CADPS: variants seen among roughly 807,000 people sequenced by gnomAD.
CADPS encodes calcium-dependent secretion activator 1.
CADPS carries 57 observed loss-of-function variants against 167.3 expected under a neutral mutation model. That is an observed-to-expected ratio of 0.34 (90% CI 0.28 to 0.42). The LOEUF is 0.42. CADPS is among the 20% of genes least tolerant of loss of function. The probability of loss-of-function intolerance (pLI) is 1.00; values close to 1 mark genes in which losing one functional copy is unlikely to be tolerated. For missense variants in CADPS, 1,414 were observed against 1,738.1 expected (o/e 0.81, Z 3.32); for synonymous variants, 676 against 635.3 (o/e 1.06, Z -0.96).
chr3:62,589,049 C>T (rs1330067071), intron 7 of CADPS, among the ~76,000 whole-genome samples: 1 of 149,388 alleles, frequency 6.7e-6, no homozygotes, highest in Non-Finnish European at 1.5e-5. Flanking sequence ...TCAATTTTAA[C>T]TTGTTTTCAC....
chr3:62,662,480 A>G, intron 3 of CADPS, 86 bp from the exon 4 acceptor site: 1 of 1,097,454 alleles, frequency 9.1e-7, no homozygotes. Flanking sequence ...ACCCCCTTGC[A>G]CTGTGCTCCA....
At chr3:62,494,231 C>T (rs1233475890) in intron 18 of CADPS, among the ~76,000 whole-genome samples, 1 of 152,264 alleles carries the variant, frequency 6.6e-6, no homozygotes, top group East Asian at 1.9e-4. Flanking sequence ...CAGATGAGAG[C>T]CCTGGGGTTT....
At chr3:62,552,146 C>T (rs1329523941) in intron 10 of CADPS, among the ~76,000 whole-genome samples, 1 of 143,958 alleles carries the variant, frequency 6.9e-6, no homozygotes, top group South Asian at 2.1e-4. Context: ...GCGAGAAGTG[C>T]ATGTTCTCAC....
At chr3:62,594,156 TTTTTATTTATTTATTTA>T in intron 6 of CADPS, among the ~76,000 whole-genome samples, 1 of 131,160 alleles carries the variant, frequency 7.6e-6, no homozygotes, top group African/African-American at 2.7e-5. Context: ...TTTTTTATTT[TTTTTATTTATTTATTTA>T]TTTTTTGAGA....
chr3:62,736,266 T>A (rs1458549321), intron 3 of CADPS, among the ~76,000 whole-genome samples: 1 of 152,172 alleles, frequency 6.6e-6, no homozygotes, highest in Non-Finnish European at 1.5e-5. Flanking sequence ...TGGTATAAAA[T>A]CTAAATTAGC....
chr3:62,711,950 A>G (rs2151813884), intron 3 of CADPS, among the ~76,000 whole-genome samples: 1 of 152,326 alleles, frequency 6.6e-6, no homozygotes, highest in South Asian at 2.1e-4. Flanking sequence ...CTAGAAATAC[A>G]TATTTATAAA....
intron 11 of CADPS, among the ~76,000 whole-genome samples, chr3:62,545,888 C>G (rs2076375318): frequency 6.6e-6 from 1 of 152,086 alleles, no homozygotes; most frequent in Middle Eastern, 3.2e-3. Context: ...CTTCCCTTCT[C>G]TATGTATTTT....
At chr3:62,414,615 A>G (rs754580238) in intron 28 of CADPS, among the ~76,000 whole-genome samples, 1 of 152,152 alleles carries the variant, frequency 6.6e-6, no homozygotes, top group Non-Finnish European at 1.5e-5. Context: ...CGCCCAACCA[A>G]TGTCTTCTGT....
intron 3 of CADPS, among the ~76,000 whole-genome samples, chr3:62,726,568 T>C (rs1462585331): frequency 1.3e-5 from 2 of 151,838 alleles, no homozygotes; most frequent in East Asian, 3.9e-4. Flanking sequence ...TTATCTCTAC[T>C]AGGAAACCTA....
chr3:62,793,422 G>T (rs888546390), intron 1 of CADPS, among the ~76,000 whole-genome samples: 2 of 152,166 alleles, frequency 1.3e-5, no homozygotes, highest in East Asian at 1.9e-4. Flanking sequence ...AGAGTTTGGA[G>T]GAAGACGTTC....
intron 1 of CADPS, among the ~76,000 whole-genome samples, chr3:62,873,743 A>G (rs981579029): frequency 3.3e-5 from 5 of 151,896 alleles, no homozygotes; most frequent in Non-Finnish European, 2.9e-5. Context: ...TTATCAAGGC[A>G]GCAGTGGCAG....
At chr3:62,470,131 A>T (rs915094493) in intron 24 of CADPS, among the ~76,000 whole-genome samples, 2 of 152,212 alleles carry the variant, frequency 1.3e-5, no homozygotes, top group African/African-American at 2.4e-5. Flanking sequence ...AATTTTAATG[A>T]AAAAAATAAA....
At chr3:62,472,356 A>G (rs1314438232) in intron 24 of CADPS, among the ~76,000 whole-genome samples, 1 of 152,254 alleles carries the variant, frequency 6.6e-6, no homozygotes, top group Admixed American at 6.5e-5. Flanking sequence ...TGTGAATTAT[A>G]TCTCAATTTT....
chr3:62,715,908 G>A (rs1311581681), intron 3 of CADPS, among the ~76,000 whole-genome samples: 3 of 150,426 alleles, frequency 2.0e-5, no homozygotes, highest in Non-Finnish European at 4.4e-5. Flanking sequence ...ACCACACCTG[G>A]CTAATTTTTT....
In CADPS at chr3:62,522,340, TG is replaced by T. The variant is rs145056268; in HGVS notation, c.2292-4091del. Among the ~76,000 whole-genome samples the T allele has an allele frequency of 3.2e-3, 494 of 152,270 alleles. 3 individuals are homozygous for T. The highest frequency in any genetic ancestry group is 0.011 in the African/African-American group (440 of 41,554). ...TTTCTTCAGACACAAGGTCTCATTA[TG>T]TTGCCCAGGCTGGTCTCTAACTCCT... On this transcript the variant is annotated intron_variant, in intron 13 of 29. Transcript: ENST00000383710.
At chr3:62,690,553 A>G (rs2078913535) in intron 3 of CADPS, among the ~76,000 whole-genome samples, 1 of 151,792 alleles carries the variant, frequency 6.6e-6, no homozygotes, top group South Asian at 2.1e-4. Context: ...GTTAAGTTAA[A>G]AAGAGAACCC....
In CADPS at chr3:62,530,730, C is replaced by T. The variant is rs537341350; in HGVS notation, c.2291+2141G>A. ...TCCTTTTTGGTATCTTTTTTAGCTT[C>T]TGGTTCAGGTGGGGAGGGAGTTTTG... On this transcript the variant is annotated intron_variant, in intron 13 of 29. Coordinates refer to ENST00000383710, the MANE Select transcript of CADPS (RefSeq NM_003716.4). The T allele has an allele frequency of 1.1e-5, 14 of 1,288,736 alleles. No homozygotes were observed. The East Asian group carries it at 7.2e-4, about 67-fold the overall frequency. The allele number at this position is 1,288,736 out of a possible 1,614,324, so 79.8% of individuals were successfully genotyped here.
At chr3:62,685,733 T>C (rs62242519) in intron 3 of CADPS, among the ~76,000 whole-genome samples, 149,950 of 149,950 alleles carry the variant, frequency 1, 74,975 homozygotes, top group Non-Finnish European at 1. Context: ...GAAACTCTTT[T>C]CACCTCACAT....
At chr3:62,467,832 T>A (rs185524978) in intron 24 of CADPS, among the ~76,000 whole-genome samples, 1 of 152,226 alleles carries the variant, frequency 6.6e-6, no homozygotes, top group African/African-American at 2.4e-5. Context: ...TTCAGACTCA[T>A]AAGTCTCTGT....
Sources: gnomAD v4.1 joint callset for allele counts (sites outside exome capture counted in the v4.1 genomes callset) on GRCh38, gnomAD v4.1.1 for gene constraint, MANE v1.5 for transcripts, NCBI Gene and HGNC (gene_info 2026-07-23, HGNC 2026-07-21) for gene names.